The following POU6F2 variants were observed in gnomAD, a reference collection of about 807,000 sequenced individuals.
POU6F2 encodes POU domain, class 6, transcription factor 2.
Under a neutral mutation model 71.3 loss-of-function variants are expected in POU6F2, and 31 were observed. The ratio of observed to expected loss-of-function variants is 0.43; its 90% CI spans 0.33 to 0.59. The LOEUF (loss-of-function observed/expected upper bound fraction) is 0.59. Ranked by LOEUF, POU6F2 falls within the 20% of genes least tolerant of loss-of-function variation. The probability of loss-of-function intolerance (pLI) is 0.04; values close to 1 mark genes in which losing one functional copy is unlikely to be tolerated. For synonymous variants in POU6F2, 347 were observed against 355.7 expected (o/e 0.98, Z 0.27); for missense variants, 783 against 856.8 (o/e 0.91, Z 1.07).
At chr7:39,296,164 G>A (rs1784840259) in intron 4 of POU6F2, among the ~76,000 whole-genome samples, 1 of 152,146 alleles carries the variant, frequency 6.6e-6, no homozygotes, top group African/African-American at 2.4e-5. Context: ...GATTCCTGCT[G>A]TACATTCTCT....
intron 2 of POU6F2, among the ~76,000 whole-genome samples, chr7:39,126,019 C>T (rs1483113817): frequency 3.3e-5 from 5 of 152,208 alleles, no homozygotes; most frequent in Non-Finnish European, 7.3e-5. Context: ...AAATGGGATC[C>T]ATTGCCACCG....
Position 39,064,684 on chromosome 7 carries a change from T to A in POU6F2, c.106-21176T>A, listed in dbSNP as rs985384865. On this transcript the variant is annotated intron_variant, in intron 1 of 9. Coordinates refer to ENST00000518318, the MANE Select transcript of POU6F2 (RefSeq NM_001370959.1). ...TAAGATATGAATAGCAACTTTGCAT[T>A]AAAAATATGACAGCAGACATCTTAG... Among the ~76,000 whole-genome samples, 4 of 151,898 alleles carry A rather than the reference T, an allele frequency of 2.6e-5. No homozygotes were observed. The East Asian group carries it at 7.7e-4, about 29-fold the overall frequency.
At chr7:39,219,597 A>G (rs918983566) in intron 4 of POU6F2, among the ~76,000 whole-genome samples, 1 of 152,216 alleles carries the variant, frequency 6.6e-6, no homozygotes, top group Non-Finnish European at 1.5e-5. Flanking sequence ...CTTGAAAACT[A>G]TATTTTATTA....
At chr7:39,067,606 C>T (rs765737409) in intron 1 of POU6F2, among the ~76,000 whole-genome samples, 17 of 151,862 alleles carry the variant, frequency 1.1e-4, no homozygotes, top group Admixed American at 5.9e-4. Flanking sequence ...AATAACAATA[C>T]CAGTCTTTGT....
In POU6F2 at chr7:39,464,172, T is replaced by G. The variant is rs766430784; in HGVS notation, c.1659-10T>G. The stretch of plus-strand genomic sequence containing the variant: ...GTGTAAGACTGTTCTTTCTCAATTT[T>G]CCCCCCCAGACACACCATCCTGAGA... On this transcript the variant is annotated splice_polypyrimidine_tract_variant and intron_variant, in intron 9 of 9. Transcript: ENST00000518318. This position sits in a 1 kb window ranked among gnomAD's most constrained non-coding sequence, Gnocchi z 4.1. 1.9e-6 allele frequency: 3 copies of G among 1,609,946 alleles called. No individual in the cohort carries two copies. In the South Asian group the frequency reaches 3.3e-5, roughly 18 times the overall value.
chr7:39,377,871 T>C (rs996693420), intron 5 of POU6F2, among the ~76,000 whole-genome samples: 1 of 152,212 alleles, frequency 6.6e-6, no homozygotes, highest in African/African-American at 2.4e-5. Context: ...AAAAATAACC[T>C]GCATAAGAGC....
intron 1 of POU6F2, among the ~76,000 whole-genome samples, chr7:39,076,731 T>A (rs1001960033): frequency 1.4e-4 from 22 of 152,114 alleles, no homozygotes; most frequent in Non-Finnish European, 2.6e-4. Flanking sequence ...TCTTCCCCTA[T>A]CTCCCTTTGA....
At position 39,016,941 on chromosome 7, in the gene POU6F2, C is replaced by T. The variant is rs75519257; in HGVS notation, c.105+38883C>T. ...GTAAGCCAGACTGTGGAGACCTTGC[C>T]GAAAATTTGGTTTGATCCAAGGAGC... On this transcript the variant is annotated intron_variant, in intron 1 of 9. Coordinates refer to ENST00000518318, the MANE Select transcript of POU6F2 (RefSeq NM_001370959.1). Among the ~76,000 whole-genome samples the T allele has an allele frequency of 5.9e-5, 9 of 152,130 alleles. No homozygotes were observed. The East Asian group carries it at 1.7e-3, about 29-fold the overall frequency.
chr7:39,082,630 A>G (rs1046305391), intron 1 of POU6F2, among the ~76,000 whole-genome samples: 14 of 152,070 alleles, frequency 9.2e-5, no homozygotes, highest in Non-Finnish European at 1.5e-4. Flanking sequence ...ATGACTTCCA[A>G]GCCGAGTGCT....
At chr7:39,402,564 A>G (rs1167420205) in intron 5 of POU6F2, among the ~76,000 whole-genome samples, 1 of 152,130 alleles carries the variant, frequency 6.6e-6, no homozygotes, top group African/African-American at 2.4e-5. Context: ...AAGGATGAGG[A>G]AAACGTACTA....
chr7:39,451,968 GCTGAGTCAGTC>G (rs1428704574), intron 8 of POU6F2, among the ~76,000 whole-genome samples: 1 of 152,200 alleles, frequency 6.6e-6, no homozygotes, highest in Non-Finnish European at 1.5e-5. Flanking sequence ...TTGCTGATGT[GCTGAGTCAGTC>G]CTGCCACTTC....
At chr7:39,451,739 C>T (rs1280705824) in intron 8 of POU6F2, 38 bp downstream of exon 8, 1 of 1,528,752 alleles carries the variant, frequency 6.5e-7, no homozygotes, top group East Asian at 2.4e-5. Flanking sequence ...ATCGTGGTGG[C>T]CTTCTTGTTG....
At chr7:39,256,479 A>G (rs1458428174) in intron 4 of POU6F2, among the ~76,000 whole-genome samples, 1 of 152,202 alleles carries the variant, frequency 6.6e-6, no homozygotes, top group Non-Finnish European at 1.5e-5. Flanking sequence ...TTCATGCAAT[A>G]GGAAGAAAAA....
At chr7:39,365,868 G>GGT (rs1253339452) in intron 5 of POU6F2, among the ~76,000 whole-genome samples, 2 of 152,250 alleles carry the variant, frequency 1.3e-5, no homozygotes, top group East Asian at 3.9e-4. Context: ...GTGGTGTCAG[G>GGT]GTGTGTCTAC....
At chr7:39,015,341 T>G (rs982903496) in intron 1 of POU6F2, among the ~76,000 whole-genome samples, 2 of 134,892 alleles carry the variant, frequency 1.5e-5, no homozygotes, top group Admixed American at 8.3e-5. Flanking sequence ...TATTATAATA[T>G]ATAATAATAG....
chr7:39,275,961 C>G lies in POU6F2; in HGVS notation c.599-63681C>G, dbSNP rs1427893449. On this transcript the variant is annotated intron_variant, in intron 4 of 9. Coordinates refer to ENST00000518318, the MANE Select transcript of POU6F2 (RefSeq NM_001370959.1). ...AACCATAAAAACCCTAGAAGAAAACCTAGGCATTACCATTCAGGACATAGG... is the reference window on the plus strand; with the variant it reads ...AACCATAAAAACCCTAGAAGAAAACGTAGGCATTACCATTCAGGACATAGG... Among the ~76,000 whole-genome samples, 3 of 151,914 alleles carry G rather than the reference C, an allele frequency of 2.0e-5. No individual in the cohort carries two copies. The East Asian group carries it at 5.8e-4, about 29-fold the overall frequency.
At chr7:39,015,208 G>C (rs1486619417) in intron 1 of POU6F2, among the ~76,000 whole-genome samples, 1 of 144,574 alleles carries the variant, frequency 6.9e-6, no homozygotes, top group East Asian at 2.0e-4. Context: ...GTATGTGTAG[G>C]TCTGATTTTA....
intron 1 of POU6F2, among the ~76,000 whole-genome samples, chr7:39,003,025 C>T (rs948729994): frequency 2.6e-5 from 4 of 152,302 alleles, no homozygotes; most frequent in East Asian, 1.9e-4. Context: ...TAGTTATCTT[C>T]GTTTCCGAAT....
chr7:39,181,507 T>C (rs928905859), intron 2 of POU6F2, among the ~76,000 whole-genome samples: 5 of 152,198 alleles, frequency 3.3e-5, no homozygotes, highest in African/African-American at 1.2e-4. Context: ...TAAAGGAACA[T>C]TCACTTGCTT....
Sources: allele counts gnomAD v4.1 joint callset (sites outside exome capture counted in the v4.1 genomes callset), GRCh38; gene constraint gnomAD v4.1.1; non-coding constraint Gnocchi (gnomAD v3.1); transcripts MANE v1.5; gene names NCBI Gene and HGNC (gene_info 2026-07-23, HGNC 2026-07-21).